RPA3: variants seen among roughly 807,000 people sequenced by gnomAD.
RPA3 encodes replication protein A3.
A neutral mutation model predicts 13.7 loss-of-function variants in RPA3; 24 were observed. The ratio of observed to expected loss-of-function variants is 1.75; its 90% CI spans 1.27 to 2.46. RPA3 has a LOEUF of 2.46. Among genes scored for constraint, RPA3 ranks in the 30% most tolerant of loss-of-function variants. The pLI, the probability that RPA3 is intolerant of heterozygous loss-of-function variation, is 0.00. For missense variants in RPA3, 183 were observed against 151.0 expected, an observed-to-expected ratio of 1.21 and a Z score of -1.11; for synonymous variants, 59 against 51.2, an observed-to-expected ratio of 1.15 and a Z score of -0.65.
intron 2 of RPA3, among the ~76,000 whole-genome samples, chr7:7,698,352 T>C (rs775214664): frequency 1.3e-5 from 2 of 152,210 alleles, no homozygotes; most frequent in Non-Finnish European, 2.9e-5. Context: ...TAATGGTGCG[T>C]TTCCTGCTGC....
intron 4 of RPA3, among the ~76,000 whole-genome samples, chr7:7,650,247 G>T (rs552279438): frequency 1.6e-4 from 24 of 152,126 alleles, no homozygotes; most frequent in African/African-American, 2.2e-4. Flanking sequence ...GCTTTATGCA[G>T]TTAATATTTG....
intron 4 of RPA3, among the ~76,000 whole-genome samples, chr7:7,668,100 G>C (rs1696820927): frequency 1.3e-5 from 2 of 151,608 alleles, no homozygotes; most frequent in African/African-American, 2.4e-5. Context: ...TTTTTGTAGA[G>C]ACACGATTTC....
intron 4 of RPA3, among the ~76,000 whole-genome samples, chr7:7,677,902 T>C (rs1417678286): frequency 1.3e-5 from 2 of 151,672 alleles, no homozygotes; most frequent in African/African-American, 4.9e-5. Flanking sequence ...CTCGATCTCC[T>C]GACCTCGTGA....
chr7:7,678,340 A>G (rs902531127), intron 4 of RPA3, among the ~76,000 whole-genome samples: 1 of 150,316 alleles, frequency 6.7e-6, no homozygotes. Context: ...ATGATCAACA[A>G]TATTGAACGT....
chr7:7,710,816 A>T (rs78882903), intron 2 of RPA3, among the ~76,000 whole-genome samples: 2,770 of 152,318 alleles, frequency 0.018, 90 homozygotes, highest in African/African-American at 0.063. Context: ...TGAATGGTTA[A>T]ATCTATGGTA....
chr7:7,640,386 G>A lies in RPA3; in HGVS notation c.33C>T (p.Arg11=). The change falls in exon 5 of 8, where the codon CGC becomes CGT. Residue 11 remains arginine, a synonymous_variant. Coordinates refer to ENST00000223129, the MANE Select transcript of RPA3 (RefSeq NM_002947.5). ...ATTGAGCTAGCATGCCGGCGTTGAT[G>A]CGCGACCTGGGCAAGTCCATCATGT... MVDMMDLPRS[R]INAGMLAQFI... 2.5e-6 allele frequency: 4 copies of A among 1,614,078 alleles called. No individual in the cohort carries two copies. The highest frequency in any genetic ancestry group is 3.4e-6 in the Non-Finnish European group (4 of 1,180,026).
chr7:7,679,740 A>ACT (rs1371226461), intron 4 of RPA3, among the ~76,000 whole-genome samples: 2 of 146,880 alleles, frequency 1.4e-5, no homozygotes, highest in South Asian at 2.1e-4. Flanking sequence ...ATACACACAC[A>ACT]CATATTAAGA....
intron 4 of RPA3, among the ~76,000 whole-genome samples, chr7:7,647,104 G>A (rs577923610): frequency 6.6e-6 from 1 of 152,206 alleles, no homozygotes; most frequent in African/African-American, 2.4e-5. Flanking sequence ...TTGAGTGTTT[G>A]GTAGTGTTCA....
intron 4 of RPA3, among the ~76,000 whole-genome samples, chr7:7,663,068 C>A (rs1313244539): frequency 1.3e-5 from 2 of 152,020 alleles, no homozygotes; most frequent in East Asian, 1.9e-4. Flanking sequence ...TAACCCAGCA[C>A]AGGCACCCAA....
At chr7:7,666,842 G>C (rs996952499) in intron 4 of RPA3, among the ~76,000 whole-genome samples, 4 of 152,204 alleles carry the variant, frequency 2.6e-5, no homozygotes, top group Middle Eastern at 6.8e-3. Flanking sequence ...TTTCACTCTT[G>C]TTGCCCAGGC....
At chr7:7,640,142 A>C (rs186828872) in intron 5 of RPA3, 178 bp downstream of exon 5, 182 of 651,560 alleles carry the variant, frequency 2.8e-4, no homozygotes, top group Admixed American at 1.1e-3. Flanking sequence ...GTGCCATAAA[A>C]GAGCGCCAAA....
intron 2 of RPA3, among the ~76,000 whole-genome samples, chr7:7,692,158 C>A (rs1780187082): frequency 6.6e-6 from 1 of 152,096 alleles, no homozygotes; most frequent in South Asian, 2.1e-4. Context: ...CACATATCAC[C>A]ATCTTCCCTT....
At chr7:7,652,024 G>T (rs2115551090) in intron 4 of RPA3, among the ~76,000 whole-genome samples, 1 of 152,286 alleles carries the variant, frequency 6.6e-6, no homozygotes, top group Non-Finnish European at 1.5e-5. Flanking sequence ...TGTCAGGGAG[G>T]GGTAGAAGGA....
intron 7 of RPA3, 112 bp downstream of exon 7, chr7:7,637,752 G>A (rs1784888592): frequency 5.9e-6 from 3 of 509,348 alleles, no homozygotes; most frequent in Non-Finnish European, 1.1e-5. Context: ...TGTATGTTAT[G>A]TAATTACATA....
At chr7:7,665,329 A>G (rs1225162392) in intron 4 of RPA3, among the ~76,000 whole-genome samples, 4 of 152,230 alleles carry the variant, frequency 2.6e-5, no homozygotes, top group Non-Finnish European at 5.9e-5. Flanking sequence ...CAGTCTGTGT[A>G]TACCATTAAA....
chr7:7,652,966 G>A (rs190906308), intron 4 of RPA3, among the ~76,000 whole-genome samples: 1 of 152,296 alleles, frequency 6.6e-6, no homozygotes, highest in Admixed American at 6.5e-5. Flanking sequence ...ACTGAATAAT[G>A]TTTTATTTAT....
In RPA3 at chr7:7,675,586, A is replaced by G. The variant is rs146514053; in HGVS notation, c.-758+10244T>C. Among the ~76,000 whole-genome samples, 618 of 152,288 alleles carry G rather than the reference A, an allele frequency of 4.1e-3. 2 individuals carry two copies. The highest frequency in any genetic ancestry group is 6.6e-3 in the Non-Finnish European group (446 of 68,022). On this transcript the variant is annotated intron_variant, in intron 4 of 7. Transcript: ENST00000223129. ...TTAACTGAGCCTCAGAAGGCACACA[A>G]ACTTCCAAATTTCGTATTTTAAGAA...
chr7:7,673,359 AGCAGCAG>A, intron 4 of RPA3: 1 of 1,280,514 alleles, frequency 7.8e-7, no homozygotes, highest in Non-Finnish European at 1.1e-6. Context: ...CAGCAGCAGC[AGCAGCAG>A]CAGCAATGTT....
chr7:7,670,582 A>C (rs1015454846), intron 4 of RPA3, among the ~76,000 whole-genome samples: 2 of 152,160 alleles, frequency 1.3e-5, no homozygotes, highest in Non-Finnish European at 2.9e-5. Context: ...CCCCTCCCCA[A>C]GGCAGTCTGT....
Sources: gnomAD v4.1 joint callset for allele counts (sites outside exome capture counted in the v4.1 genomes callset) on GRCh38, gnomAD v4.1.1 for gene constraint, MANE v1.5 for transcripts, NCBI Gene and HGNC (gene_info 2026-07-23, HGNC 2026-07-21) for gene names.